The following MAF variants were observed in gnomAD, a reference collection of about 807,000 sequenced individuals.
MAF encodes MAF bZIP transcription factor, also known as transcription factor Maf.
MAF carries 10 observed loss-of-function variants against 22.0 expected under a neutral mutation model. That is an observed-to-expected ratio of 0.45 (90% confidence interval 0.28 to 0.77). The LOEUF (loss-of-function observed/expected upper bound fraction) is 0.77. Among genes scored for constraint, MAF ranks in the 30% least tolerant of loss-of-function variants. MAF has a pLI of 0.12. For missense variants in MAF, 544 were observed against 548.4 expected (o/e 0.99, Z 0.08); for synonymous variants, 337 against 255.8 (o/e 1.32, Z -3.03).
the MAF span, among the ~76,000 whole-genome samples, chr16:79,385,640 C>T: frequency 1.3e-5 from 2 of 152,146 alleles, no homozygotes; most frequent in Non-Finnish European, 2.9e-5. Context: ...GTAGCTCATG[C>T]CTATAATCCC....
the MAF span, among the ~76,000 whole-genome samples, chr16:79,405,113 T>G: frequency 6.6e-6 from 1 of 152,320 alleles, no homozygotes; most frequent in South Asian, 2.1e-4. Flanking sequence ...TACTCCCATA[T>G]GCAGCAGTAT....
the MAF span, among the ~76,000 whole-genome samples, chr16:79,412,727 G>T: frequency 6.6e-6 from 1 of 152,170 alleles, no homozygotes; most frequent in Non-Finnish European, 1.5e-5. Flanking sequence ...AAGATCAATG[G>T]AAGTAACATG....
downstream of MAF, among the ~76,000 whole-genome samples, chr16:79,588,857 G>C (rs533119212): frequency 7.2e-5 from 11 of 152,090 alleles, no homozygotes; most frequent in Non-Finnish European, 1.5e-4. Context: ...TTTTAAGCCA[G>C]ATGAAAAAAT....
chr16:79,495,781 A>T, the MAF span, among the ~76,000 whole-genome samples: 1 of 152,216 alleles, frequency 6.6e-6, no homozygotes, highest in Non-Finnish European at 1.5e-5. Flanking sequence ...AAGGAGCAGA[A>T]ACAGTCTCTA....
At chr16:79,343,890 T>G in the MAF span, among the ~76,000 whole-genome samples, 1 of 152,232 alleles carries the variant, frequency 6.6e-6, no homozygotes, top group Non-Finnish European at 1.5e-5. Flanking sequence ...GGTGTGGCTC[T>G]GACAGTTAAA....
chr16:79,492,772 A>C, the MAF span, among the ~76,000 whole-genome samples: 1 of 152,214 alleles, frequency 6.6e-6, no homozygotes, highest in South Asian at 2.1e-4. Flanking sequence ...CCAGACCCAA[A>C]AGGGAACATT....
chr16:79,574,594 G>C, the MAF span, among the ~76,000 whole-genome samples: 1 of 152,074 alleles, frequency 6.6e-6, no homozygotes, highest in East Asian at 1.9e-4. Flanking sequence ...TCTGACCATA[G>C]CTCAATTGAC....
chr16:79,521,865 T>C, the MAF span, among the ~76,000 whole-genome samples: 5 of 152,322 alleles, frequency 3.3e-5, no homozygotes, highest in South Asian at 2.1e-4. Flanking sequence ...CAATCCTATG[T>C]AATAAATATT....
the MAF span, among the ~76,000 whole-genome samples, chr16:79,497,554 G>A: frequency 2.0e-5 from 3 of 152,210 alleles, no homozygotes; most frequent in African/African-American, 4.8e-5. Context: ...ACTCTGCCAG[G>A]AGGAAGGGAT....
the MAF span, among the ~76,000 whole-genome samples, chr16:79,521,765 T>G: frequency 2.0e-5 from 3 of 152,178 alleles, no homozygotes; most frequent in African/African-American, 7.2e-5. Context: ...GACAGCTCAT[T>G]TCAAACAGTT....
chr16:79,243,880 G>T, the MAF span, among the ~76,000 whole-genome samples: 1 of 151,990 alleles, frequency 6.6e-6, no homozygotes, highest in East Asian at 1.9e-4. Flanking sequence ...GATCAAGTCA[G>T]CTTTATCCCT....
chr16:79,376,552 G>A, the MAF span, among the ~76,000 whole-genome samples: 1 of 151,842 alleles, frequency 6.6e-6, no homozygotes, highest in African/African-American at 2.4e-5. Context: ...TATACTTTAA[G>A]TTTTAGTGTA....
At chr16:79,215,030 T>C in the MAF span, among the ~76,000 whole-genome samples, 4 of 152,132 alleles carry the variant, frequency 2.6e-5, no homozygotes, top group Non-Finnish European at 4.4e-5. Flanking sequence ...ATTTCTAATA[T>C]GACTACAGTC....
At chr16:79,554,299 A>T in the MAF span, among the ~76,000 whole-genome samples, 2 of 152,212 alleles carry the variant, frequency 1.3e-5, no homozygotes, top group Non-Finnish European at 2.9e-5. Context: ...GATCTGAAAG[A>T]CAAGTGATCA....
downstream of MAF, among the ~76,000 whole-genome samples, chr16:79,593,215 G>A (rs1346842621): frequency 6.6e-6 from 1 of 152,204 alleles, no homozygotes; most frequent in Non-Finnish European, 1.5e-5. Context: ...GAATACGGAA[G>A]TAAGTTGGCC....
chr16:79,215,616 G>A, the MAF span, among the ~76,000 whole-genome samples: 49 of 152,232 alleles, frequency 3.2e-4, no homozygotes, highest in Admixed American at 3.2e-3. Flanking sequence ...ACATCTGCAG[G>A]CTGACAACAT....
the MAF span, among the ~76,000 whole-genome samples, chr16:79,537,740 G>T: frequency 6.6e-6 from 1 of 152,112 alleles, no homozygotes; most frequent in Admixed American, 6.5e-5. Flanking sequence ...TCAAACCCAG[G>T]GGCCCTGGGT....
At chr16:79,366,523 C>G in the MAF span, among the ~76,000 whole-genome samples, 1 of 152,324 alleles carries the variant, frequency 6.6e-6, no homozygotes, top group Middle Eastern at 3.4e-3. Flanking sequence ...TCCTGACCTT[C>G]TAGACACATG....
At chr16:79,403,701 T>C in the MAF span, among the ~76,000 whole-genome samples, 2 of 152,198 alleles carry the variant, frequency 1.3e-5, no homozygotes, top group Admixed American at 6.5e-5. Context: ...GTCTCCTATA[T>C]GGACTATGAA....
Sources: allele counts gnomAD v4.1 joint callset (sites outside exome capture counted in the v4.1 genomes callset), GRCh38; gene constraint gnomAD v4.1.1; transcripts MANE v1.5; gene names NCBI Gene and HGNC (gene_info 2026-07-23, HGNC 2026-07-21).